The following RTN4R variants were observed in gnomAD, a reference collection of about 807,000 sequenced individuals.
RTN4R encodes the protein reticulon-4 receptor.
A neutral mutation model predicts 27.7 loss-of-function variants in RTN4R; 4 were observed. That is an observed-to-expected ratio of 0.14 (90% CI 0.07 to 0.33). The LOEUF is 0.33. RTN4R is among the 10% of genes least tolerant of loss of function. The pLI, the probability that RTN4R is intolerant of heterozygous loss-of-function variation, is 1.00. For missense variants in RTN4R, 554 were observed against 671.5 expected (o/e 0.83, Z 1.93); for synonymous variants, 290 against 305.6 (o/e 0.95, Z 0.53).
chr22:20,257,489 C>T (rs1286252758), intron 1 of RTN4R, among the ~76,000 whole-genome samples: 8 of 152,164 alleles, frequency 5.3e-5, no homozygotes, highest in Non-Finnish European at 1.0e-4. Context: ...CCATCCCCTA[C>T]CACGTGAGGG....
chr22:20,267,918 C>T (rs1396181364), intron 1 of RTN4R, among the ~76,000 whole-genome samples, 153 bp downstream of exon 1: 2 of 151,958 alleles, frequency 1.3e-5, no homozygotes, highest in African/African-American at 4.8e-5. Context: ...CGGCCCCAGC[C>T]TGGCGCGGCA....
Position 20,242,275 on chromosome 22 carries a change from G to A in RTN4R, c.858C>T (p.Pro286=), listed in dbSNP as rs781052341. ...QKFRGSSSEV[P]CSLPQRLAGR... ...CAGCCAGGCGTTGCGGGAGGCTGCAGGGCACCTCGGAGGAGGAGCCGCGGA... is the reference window on the plus strand; with the variant it reads ...CAGCCAGGCGTTGCGGGAGGCTGCAAGGCACCTCGGAGGAGGAGCCGCGGA... The change falls in exon 2 of 2, where the codon CCC becomes CCT. Residue 286 remains proline, a synonymous_variant. Transcript: ENST00000043402. The A allele has an allele frequency of 1.4e-5, 23 of 1,598,200 alleles. No individual in the cohort carries two copies. The East Asian group carries it at 5.0e-4, about 35-fold the overall frequency.
intron 1 of RTN4R, among the ~76,000 whole-genome samples, chr22:20,250,249 A>G (rs1409439497): frequency 6.6e-6 from 1 of 152,246 alleles, no homozygotes; most frequent in African/African-American, 2.4e-5. Flanking sequence ...AACTGGCCCA[A>G]GGGCTGGCTG....
At chr22:20,264,329 A>G (rs1260044230) in intron 1 of RTN4R, among the ~76,000 whole-genome samples, 1 of 152,254 alleles carries the variant, frequency 6.6e-6, no homozygotes, top group Non-Finnish European at 1.5e-5. Context: ...AAATACAGCG[A>G]TAAAAGAAGA....
Position 20,241,872 on chromosome 22 carries a change from G to A in RTN4R, c.1261C>T (p.Arg421Cys), listed in dbSNP as rs368715681. 1.7e-5 allele frequency: 27 copies of A among 1,609,014 alleles called. No individual in the cohort carries two copies. The highest frequency in any genetic ancestry group is 1.9e-5 in the Non-Finnish European group (22 of 1,178,588). The change falls in exon 2 of 2, where the codon CGC (arginine) becomes TGC (cysteine). Residue 421 changes from arginine to cysteine, a missense_variant. Physicochemically the swap from Arg to Cys is radical, Grantham distance 180 (BLOSUM62 -3). Transcript: ENST00000043402. ...CAGTGGCTGCGGGTGCGGTTCTTGCGTGAACAGCCTGGCCTCCGGCGAGGG... is the reference window on the plus strand; with the variant it reads ...CAGTGGCTGCGGGTGCGGTTCTTGCATGAACAGCCTGGCCTCCGGCGAGGG... ...SGPRRRPGCS[R>C]KNRTRSHCRL...
At chr22:20,259,465 G>A (rs1286123371) in intron 1 of RTN4R, among the ~76,000 whole-genome samples, 2 of 152,150 alleles carry the variant, frequency 1.3e-5, no homozygotes, top group Non-Finnish European at 2.9e-5. Context: ...CCATGTGTCA[G>A]GCCGAGGGAG....
intron 1 of RTN4R, chr22:20,249,296 C>A: frequency 2.0e-6 from 1 of 496,040 alleles, no homozygotes; most frequent in Admixed American, 2.1e-5. Context: ...CTGCCATACA[C>A]CTGCCTCCCA....
At chr22:20,252,206 C>T (rs1333664182) in intron 1 of RTN4R, among the ~76,000 whole-genome samples, 1 of 130,346 alleles carries the variant, frequency 7.7e-6, no homozygotes, top group African/African-American at 2.9e-5. Context: ...ATCATCACAC[C>T]AGCTCTGTGC....
In RTN4R at chr22:20,242,937, C is replaced by T. The variant is rs56235791; in HGVS notation, c.196G>A (p.Gly66Ser). 211 of 1,612,074 alleles carry T rather than the reference C, an allele frequency of 1.3e-4. 2 individuals are homozygous for T. The South Asian group carries it at 1.7e-3, about 13-fold the overall frequency. Residue 66 changes from glycine (G) to serine (S), a missense_variant, in exon 2 of 2, where the codon GGC (glycine) becomes AGC (serine). Gly to Ser is a moderately conservative substitution (Grantham distance 56). Transcript: ENST00000043402. ...PAASQRIFLHGNRISHVPAAS... is the reference protein window; with the variant it reads ...PAASQRIFLHSNRISHVPAAS... ...GCTGGCACATGCGAGATGCGGTTGC[C>T]GTGCAGGAAGATGCGCTGGCTGGCA...
chr22:20,252,615 T>C (rs983409910), intron 1 of RTN4R, among the ~76,000 whole-genome samples: 3 of 152,014 alleles, frequency 2.0e-5, no homozygotes, highest in African/African-American at 7.2e-5. Flanking sequence ...TCATCACCAC[T>C]ATCCTTATCA....
chr22:20,251,699 C>T (rs2051179022), intron 1 of RTN4R, among the ~76,000 whole-genome samples: 1 of 147,706 alleles, frequency 6.8e-6, no homozygotes, highest in Non-Finnish European at 1.5e-5. Context: ...ATCACCATCA[C>T]TATCATCATC....
Position 20,241,900 on chromosome 22 carries a change from C to T in RTN4R, c.1233G>A (p.Ser411=), listed in dbSNP as rs775451895. 3.1e-5 allele frequency: 49 copies of T among 1,605,798 alleles called. No individual in the cohort carries two copies. The highest frequency in any genetic ancestry group is 8.8e-5 in the South Asian group (8 of 90,944). The part of the protein sequence containing the change: ...EGSEPPGFPT[S]GPRRRPGCSR... Reference sequence around the variant, plus strand: ...AACAGCCTGGCCTCCGGCGAGGGCCCGAGGTGGGGAACCCTGGTGGCTCGG... The same window carrying T: ...AACAGCCTGGCCTCCGGCGAGGGCCTGAGGTGGGGAACCCTGGTGGCTCGG... Residue 411 remains serine (S), a synonymous_variant, in exon 2 of 2, where the codon TCG becomes TCA. Coordinates refer to ENST00000043402, the MANE Select transcript of RTN4R (RefSeq NM_023004.6).
chr22:20,241,695 T>C lies in RTN4R; in HGVS notation c.*16A>G. 1 of 1,549,062 alleles carries C rather than the reference T, an allele frequency of 6.5e-7. No homozygotes were observed. ...ACACACCTGGCTGCTGAGCACGCTC[T>C]TGTGTCCGCTGGGGGTCAGCAGGGC... On this transcript the variant is annotated 3_prime_UTR_variant, in exon 2 of 2. Transcript: ENST00000043402.
intron 1 of RTN4R, chr22:20,267,620 G>T: frequency 2.1e-6 from 1 of 469,402 alleles, no homozygotes; most frequent in East Asian, 7.1e-5. Flanking sequence ...TCGGAGAAAC[G>T]GGAGGTTCTG....
intron 1 of RTN4R, among the ~76,000 whole-genome samples, chr22:20,249,845 G>C (rs2051165382): frequency 6.6e-6 from 1 of 152,236 alleles, no homozygotes; most frequent in African/African-American, 2.4e-5. Flanking sequence ...GCTGTGAAAA[G>C]ACACGTGTGG....
At chr22:20,249,041 C>T (rs1024457711) in intron 1 of RTN4R, 17 of 498,894 alleles carry the variant, frequency 3.4e-5, no homozygotes, top group African/African-American at 2.7e-4. Context: ...ACAGCCAGTG[C>T]CCCCTTGCCC....
chr22:20,242,405 G>A lies in RTN4R; in HGVS notation c.728C>T (p.Thr243Ile), dbSNP rs1252497712. ...LFANNLSALP[T>I]EALAPLRALQ... ...GGCACGCAGGGGGGCCAGGGCCTCA[G>A]TGGGCAGCGCTGATAGATTGTTGGC... is the stretch of plus-strand genomic sequence containing the variant. Residue 243 changes from threonine (T) to isoleucine (I), a missense_variant, in exon 2 of 2, where the codon ACT (threonine) becomes ATT (isoleucine). Physicochemically the swap from Thr to Ile is moderately conservative, Grantham distance 89. Transcript: ENST00000043402. 6.2e-7 allele frequency: 1 copy of A among 1,613,096 alleles called. No homozygotes were observed. Among genetic ancestry groups the A allele is most frequent in the African/African-American group, 1.3e-5 (1 of 74,932 alleles).
chr22:20,242,631 C>A lies in RTN4R; in HGVS notation c.502G>T (p.Ala168Ser), dbSNP rs2051115279. 6.2e-7 allele frequency: 1 copy of A among 1,612,470 alleles called. No homozygotes were observed. Among genetic ancestry groups the A allele is most frequent in the Admixed American group, 1.7e-5 (1 of 59,950 alleles). ...TCGCGGAAGGTGTCATCAGGCAGTGCCTGCAGCGCGTTGTCCTGCAGGTAG... is the reference window on the plus strand; with the variant it reads ...TCGCGGAAGGTGTCATCAGGCAGTGACTGCAGCGCGTTGTCCTGCAGGTAG... ...YLYLQDNALQ[A>S]LPDDTFRDLG... is the part of the protein sequence containing the mutation. Residue 168 changes from alanine to serine, a missense_variant, in exon 2 of 2, where the codon GCA becomes TCA. Ala to Ser is a moderately conservative substitution (Grantham distance 99). Around this residue, in one of 2 missense-constraint regions of RTN4R, gnomAD observed 413 missense variants for 542.3 expected, o/e 0.76. Transcript: ENST00000043402.
intron 1 of RTN4R, among the ~76,000 whole-genome samples, chr22:20,250,911 G>A (rs760992223): frequency 2.0e-5 from 3 of 152,142 alleles, no homozygotes; most frequent in Non-Finnish European, 4.4e-5. Context: ...AAGGAGAGGG[G>A]GACAGCAGAG....
Sources: allele counts gnomAD v4.1 joint callset (sites outside exome capture counted in the v4.1 genomes callset), GRCh38; gene constraint gnomAD v4.1.1; regional missense constraint gnomAD v4.1.1; transcripts MANE v1.5; gene names NCBI Gene and HGNC (gene_info 2026-07-23, HGNC 2026-07-21).